The following NDRG2 variants were observed in gnomAD, a reference collection of about 807,000 sequenced individuals.
NDRG2 encodes the protein NDRG family member 2.
In NDRG2, 34 loss-of-function variants were observed where a neutral mutation model predicts 58.2. The observed-to-expected ratio is 0.58, with a 90% CI of 0.44 to 0.78. The LOEUF (loss-of-function observed/expected upper bound fraction) is 0.78. NDRG2 is among the 30% of genes least tolerant of loss of function. NDRG2 has a pLI of 0.00. For synonymous variants in NDRG2, 187 were observed against 175.9 expected (o/e 1.06, Z -0.50); for missense variants, 434 against 471.2 (o/e 0.92, Z 0.73).
intron 1 of NDRG2, among the ~76,000 whole-genome samples, chr14:21,042,596 T>C (rs1198952045): frequency 1.3e-5 from 2 of 151,270 alleles, no homozygotes; most frequent in Non-Finnish European, 2.9e-5. Context: ...GGGAGAGTGA[T>C]GTTGGGGATG....
intron 1 of NDRG2, chr14:21,043,990 T>G (rs975678857): frequency 1.8e-5 from 3 of 169,654 alleles, no homozygotes; most frequent in African/African-American, 7.2e-5. Context: ...GAAATTAAGG[T>G]TTTAGAAAGC....
chr14:21,026,461 C>T (rs1452818397), upstream of NDRG2, among the ~76,000 whole-genome samples: 1 of 151,050 alleles, frequency 6.6e-6, no homozygotes, highest in Non-Finnish European at 1.5e-5. Flanking sequence ...ACTGCCCCCC[C>T]AAGACCCCCA....
At chr14:21,031,035 C>G (rs767894947) in intron 1 of NDRG2, 2 of 1,613,228 alleles carry the variant, frequency 1.2e-6, no homozygotes, top group Non-Finnish European at 1.7e-6. Context: ...CGAACCATCA[C>G]GTTTCAACAG....
At chr14:21,032,565 C>A (rs182327983) in intron 1 of NDRG2, 41 of 345,696 alleles carry the variant, frequency 1.2e-4, no homozygotes, top group African/African-American at 8.4e-4. Flanking sequence ...GAGTAGAAGC[C>A]AGCTAAGGTT....
Position 21,023,325 on chromosome 14 carries a change from G to A in NDRG2, c.-6-4C>T, listed in dbSNP as rs1351562296. On this transcript the variant is annotated splice_region_variant and splice_polypyrimidine_tract_variant and intron_variant, in intron 1 of 15. Transcript: ENST00000556147. Reference sequence around the variant, plus strand: ...CCTGCAGCTCCGCCATGGTGGCCTGGCAGGATGAGGAAATGAGACTGGGAA... The same window carrying A: ...CCTGCAGCTCCGCCATGGTGGCCTGACAGGATGAGGAAATGAGACTGGGAA... 7 of 1,611,830 alleles carry A rather than the reference G, an allele frequency of 4.3e-6. No individual in the cohort carries two copies. Among genetic ancestry groups the A allele is most frequent in the Non-Finnish European group, 5.9e-6 (7 of 1,179,014 alleles).
In NDRG2 at chr14:21,017,975, C is replaced by G. The variant is rs775223826; in HGVS notation, c.949+12G>C. 5 of 1,614,062 alleles carry G rather than the reference C, an allele frequency of 3.1e-6. No individual in the cohort carries two copies. Among genetic ancestry groups the G allele is most frequent in the Admixed American group, 1.7e-5 (1 of 60,010 alleles). ...CTCCTCTAGTGCAGCAAGCTCTTGT[C>G]CCGATACTCACTGTAGCCCATGCCT... is the stretch of plus-strand genomic sequence containing the variant. On this transcript the variant is annotated intron_variant, in intron 15 of 15. Transcript: ENST00000556147.
chr14:21,035,234 G>A (rs1487535254), intron 1 of NDRG2, among the ~76,000 whole-genome samples: 1 of 152,226 alleles, frequency 6.6e-6, no homozygotes, highest in Non-Finnish European at 1.5e-5. Flanking sequence ...CTCAGGCCCT[G>A]TCAGAGTTTG....
chr14:21,032,461 C>T lies in NDRG2; in HGVS notation c.25-9140G>A, dbSNP rs577120530. On this transcript the variant is annotated intron_variant, in intron 1 of 14. Transcript: ENST00000403829. ...CACCCCTCAAAAGGGTGTAGCAATT[C>T]CTCACGTGATGGACTATGACTATAT... 1.5e-5 allele frequency: 6 copies of T among 400,138 alleles called. No homozygotes were observed. In the East Asian group the frequency reaches 4.2e-4, roughly 28 times the overall value. 24.8% of individuals were successfully genotyped at this position (400,138 alleles called of 1,614,324 possible).
rs760275223 is a variant in NDRG2 at position 21,017,633 on chromosome 14, G to A, written c.1079C>T (p.Ser360Leu). The change falls in exon 16 of 16, where the codon TCG becomes TTG. Residue 360 changes from serine (S) to leucine (L), a missense_variant. By Grantham distance (145) the Ser-to-Leu change is moderately radical (BLOSUM62 -2). Transcript: ENST00000556147. ...SQSSESGTLS[S>L]GPPGHTMEVS... is the part of the protein sequence containing the mutation. ...CTCCATGGTGTGCCCCGGGGGCCCC[G>A]AAGAAAGAGTTCCAGACTCGCTGCT... 8 of 1,613,572 alleles carry A rather than the reference G, an allele frequency of 5.0e-6. No homozygotes were observed. Among genetic ancestry groups the A allele is most frequent in the African/African-American group, 1.3e-5 (1 of 74,914 alleles).
At chr14:21,054,263 T>C (rs1325502156) in intron 1 of NDRG2, among the ~76,000 whole-genome samples, 1 of 152,116 alleles carries the variant, frequency 6.6e-6, no homozygotes, top group Non-Finnish European at 1.5e-5. Flanking sequence ...AGCATAAATA[T>C]TTCTATCTCA....
chr14:21,020,692 G>A, intron 7 of NDRG2, 92 bp downstream of exon 7: 1 of 1,583,536 alleles, frequency 6.3e-7, no homozygotes, highest in Non-Finnish European at 8.7e-7. Flanking sequence ...CCCACCTAGT[G>A]CCCACTTCCT....
chr14:21,034,357 C>T (rs1884474369), intron 1 of NDRG2: 3 of 1,107,904 alleles, frequency 2.7e-6, no homozygotes, highest in Non-Finnish European at 4.0e-6. Flanking sequence ...TGCCACATCC[C>T]AGAGCCTCCA....
At position 21,022,482 on chromosome 14, in the gene NDRG2, T is replaced by A. The variant is rs36007455; in HGVS notation, c.133A>T (p.Thr45Ser). ...GTGAAAGTGACAGAGCCGTATGGTG[T>A]CTCCACAGAGTGAGTCTGCAGGAAA... is the stretch of plus-strand genomic sequence containing the variant. ...LDQGQTHSVE[T>S]PYGSVTFTVY... Residue 45 changes from threonine to serine, a missense_variant, in exon 4 of 16, where the codon ACA (threonine) becomes TCA (serine). Thr to Ser is a moderately conservative substitution (Grantham distance 58). Coordinates refer to ENST00000556147, the MANE Select transcript of NDRG2 (RefSeq NM_001320329.2). 1.3e-3 allele frequency: 2,119 copies of A among 1,613,722 alleles called. 30 individuals carry two copies. In the African/African-American group the frequency reaches 0.025, roughly 19 times the overall value.
At position 21,016,829 on chromosome 14, in the gene NDRG2, C is replaced by T; in HGVS notation, c.*767G>A. The stretch of plus-strand genomic sequence containing the variant: ...AAGTTGTGGGAGACGGGAGGGCACC[C>T]TCCACACATACTACAGTGTGGTCAG... On this transcript the variant is annotated 3_prime_UTR_variant, in exon 16 of 16. Coordinates refer to ENST00000556147, the MANE Select transcript of NDRG2 (RefSeq NM_001320329.2). 1 of 455,974 alleles carries T rather than the reference C, an allele frequency of 2.2e-6. No individual in the cohort carries two copies. The highest frequency in any genetic ancestry group is 4.4e-6 in the Non-Finnish European group (1 of 226,498). 28.2% of individuals were successfully genotyped at this position (455,974 alleles called of 1,614,324 possible).
intron 1 of NDRG2, among the ~76,000 whole-genome samples, chr14:21,038,857 T>G (rs969384959): frequency 1.3e-5 from 2 of 152,188 alleles, no homozygotes; most frequent in African/African-American, 4.8e-5. Flanking sequence ...TTTCTGTCAG[T>G]GCTGCCTCCT....
At position 21,069,569 on chromosome 14, in the gene NDRG2, C is replaced by A. The variant is rs373660597; in HGVS notation, c.24+1259G>T. 7.9e-5 allele frequency among the ~76,000 whole-genome samples: 12 copies of A among 152,368 alleles called. No homozygotes were observed. The East Asian group carries it at 1.5e-3, about 20-fold the overall frequency. On this transcript the variant is annotated intron_variant, in intron 1 of 14. Coordinates refer to the NDRG2 transcript ENST00000403829. The stretch of plus-strand genomic sequence containing the variant: ...AGCATCCCGATCCGGGAACCCTGCC[C>A]CCTTGGCCAGGATGTCCGCCCCCTA...
intron 1 of NDRG2, among the ~76,000 whole-genome samples, chr14:21,047,265 AT>A (rs974829707): frequency 6.5e-4 from 99 of 151,816 alleles, no homozygotes; most frequent in African/African-American, 2.0e-3. Context: ...CAATATAATA[AT>A]TTTTTTTTAA....
At chr14:21,028,395 G>T (rs978712790), upstream of NDRG2, 2 of 152,044 alleles carry the variant, frequency 1.3e-5, no homozygotes, top group Non-Finnish European at 2.9e-5. Flanking sequence ...GGGACTACAG[G>T]TGCATGCCAC....
intron 5 of NDRG2, 46 bp downstream of exon 5, chr14:21,022,016 T>C: frequency 3.7e-6 from 6 of 1,614,050 alleles, no homozygotes; most frequent in Non-Finnish European, 4.2e-6. Context: ...CCCGCACCTG[T>C]CCTGTTCCTC....
Sources: gnomAD v4.1 joint callset for allele counts (sites outside exome capture counted in the v4.1 genomes callset) on GRCh38, gnomAD v4.1.1 for gene constraint, MANE v1.5 for transcripts, NCBI Gene and HGNC (gene_info 2026-07-23, HGNC 2026-07-21) for gene names.